Variants in CDKL5 observed in about 807,000 individuals in gnomAD.
The protein encoded by CDKL5 is cyclin-dependent kinase-like 5.
CDKL5 carries 8 observed loss-of-function variants against 61.7 expected under a neutral mutation model. The observed-to-expected ratio is 0.13, with a 90% CI of 0.08 to 0.23. The LOEUF (loss-of-function observed/expected upper bound fraction) is 0.23, where lower values mean the gene tolerates loss of function less well. Among genes scored for constraint, CDKL5 ranks in the 10% least tolerant of loss-of-function variants. The pLI, the probability that CDKL5 is intolerant of heterozygous loss-of-function variation, is 1.00. For missense variants in CDKL5, 440 were observed against 734.5 expected (o/e 0.60, Z 4.63); for synonymous variants, 275 against 272.3 (o/e 1.01, Z -0.10).
intron 15 of CDKL5, among the ~76,000 whole-genome samples, chrX:18,613,515 C>G (rs937692159): frequency 8.9e-6 from 1 of 112,042 alleles, no homozygotes; most frequent in Non-Finnish European, 1.9e-5. Context: ...ACCTGATACG[C>G]TTTCCACTGT....
rs747554139 is a variant in CDKL5, at chrX:18,613,214, C to T, written c.2215C>T (p.Leu739=). Residue 739 remains leucine (L), a synonymous_variant, in exon 15 of 18, where the codon CTA becomes TTA. Transcript: ENST00000623535. The part of the protein sequence containing the change: ...ENNVSTRVSS[L]PSESSSGTNH... ...TAATGTGTCAACTAGAGTTTCTTCT[C>T]TACCATCAGAGAGCAGTTCTGGAAC... is the stretch of plus-strand genomic sequence containing the variant. 7.5e-6 allele frequency: 9 copies of T among 1,195,657 alleles called. No homozygotes were observed. In the South Asian group the frequency reaches 1.4e-4, roughly 19 times the overall value.
intron 3 of CDKL5, among the ~76,000 whole-genome samples, chrX:18,544,066 C>G (rs1206621372): frequency 8.9e-6 from 1 of 112,081 alleles, no homozygotes; most frequent in Non-Finnish European, 1.9e-5. Flanking sequence ...GCTTAGTAAT[C>G]AGACAGGTGG....
intron 1 of CDKL5, among the ~76,000 whole-genome samples, chrX:18,434,718 A>G (rs1283269025): frequency 1.8e-5 from 2 of 111,563 alleles, no homozygotes; most frequent in Admixed American, 1.9e-4. Context: ...CCTTGAGGTC[A>G]GGAGTTCGAG....
chrX:18,630,963 A>G lies in CDKL5; in HGVS notation c.*2206A>G, dbSNP rs1927217008. On this transcript the variant is annotated 3_prime_UTR_variant, in exon 18 of 18. Transcript: ENST00000623535. Reference sequence around the variant, plus strand: ...TTTTCATACTAGATCTCTACCTTGTATTCCCCCCTTGCAAACCAGAAACTA... The same window carrying G: ...TTTTCATACTAGATCTCTACCTTGTGTTCCCCCCTTGCAAACCAGAAACTA... 1.3e-6 allele frequency: 1 copy of G among 747,701 alleles called. No homozygotes were observed. 61.6% of individuals were successfully genotyped at this position (747,701 alleles called of 1,213,427 possible).
Position 18,603,875 on chromosome X carries a change from G to A in CDKL5, c.978-27G>A, listed in dbSNP as rs759993432. ...TGTGTGTCAGCTATTGAGGGAAACTGATATACTTCTTTTGTTTTTAACATA... is the reference window on the plus strand; with the variant it reads ...TGTGTGTCAGCTATTGAGGGAAACTAATATACTTCTTTTGTTTTTAACATA... On this transcript the variant is annotated intron_variant, in intron 11 of 17. Transcript: ENST00000623535. 3 of 1,206,400 alleles carry A rather than the reference G, an allele frequency of 2.5e-6. No individual in the cohort carries two copies. The African/African-American group carries it at 5.2e-5, about 21-fold the overall frequency.
At chrX:18,500,012 G>A (rs772109313) in intron 1 of CDKL5, among the ~76,000 whole-genome samples, 22 of 111,367 alleles carry the variant, frequency 2.0e-4, no homozygotes, top group African/African-American at 6.2e-4. Flanking sequence ...TATCTAGATC[G>A]CCCAGATGAC....
chrX:18,440,338 A>G (rs1368059316), intron 1 of CDKL5, among the ~76,000 whole-genome samples: 1 of 111,165 alleles, frequency 9.0e-6, no homozygotes, highest in African/African-American at 3.3e-5. Flanking sequence ...ATAAGCAGCA[A>G]CTCCTTTGTC....
chrX:18,584,551 G>C (rs866541516), intron 8 of CDKL5, among the ~76,000 whole-genome samples, 198 bp downstream of exon 8: 4 of 111,893 alleles, frequency 3.6e-5, no homozygotes, highest in Admixed American at 1.9e-4. Flanking sequence ...GGGTGTGGGG[G>C]AATCACCAGT....
At chrX:18,496,810 T>G (rs928825274) in intron 1 of CDKL5, among the ~76,000 whole-genome samples, 1 of 110,526 alleles carries the variant, frequency 9.0e-6, no homozygotes, top group Non-Finnish European at 1.9e-5. Context: ...AGGTGTTGTT[T>G]ATAATTTGTT....
chrX:18,586,159 CATTGTG>C (rs1235906403), intron 8 of CDKL5, among the ~76,000 whole-genome samples: 2 of 111,445 alleles, frequency 1.8e-5, no homozygotes, highest in African/African-American at 3.3e-5. Flanking sequence ...TTATCTCTTC[CATTGTG>C]TAGGCAGAGT....
intron 5 of CDKL5, 99 bp from the exon 6 acceptor site, chrX:18,579,749 C>T (rs4825261): frequency 1.3e-4 from 100 of 783,246 alleles, no homozygotes; most frequent in Middle Eastern, 9.9e-4. Context: ...AAAAAAAGCT[C>T]TGTATTGGAT....
intron 17 of CDKL5, among the ~76,000 whole-genome samples, chrX:18,626,591 TCAAAA>T (rs1469767206): frequency 9.4e-6 from 1 of 105,832 alleles, no homozygotes; most frequent in African/African-American, 3.5e-5. Context: ...ATTCCCAATT[TCAAAA>T]CAAAACAAAA....
At chrX:18,441,958 T>C (rs898807118) in intron 1 of CDKL5, among the ~76,000 whole-genome samples, 4 of 111,293 alleles carry the variant, frequency 3.6e-5, no homozygotes, top group African/African-American at 1.3e-4. Context: ...GGCTGTTGTA[T>C]TGGGCTCAAT....
intron 16 of CDKL5, among the ~76,000 whole-genome samples, chrX:18,622,409 A>G (rs1602297112): frequency 8.9e-6 from 1 of 112,112 alleles, no homozygotes; most frequent in South Asian, 3.7e-4. Context: ...TGGGATTTCC[A>G]AAGAGCGCTC....
rs939022814 is a variant in CDKL5, at chrX:18,633,780, C to T, written c.*5023C>T. On this transcript the variant is annotated 3_prime_UTR_variant, in exon 18 of 18. Coordinates refer to ENST00000623535, the MANE Select transcript of CDKL5 (RefSeq NM_001323289.2). ...CCAGTTACTACATGAATCTTCATTT[C>T]CCACAGTGGTTTGTTCATTCATCAG... The T allele has an allele frequency of 2.7e-6, 2 of 751,537 alleles. No homozygotes were observed. The highest frequency in any genetic ancestry group is 4.7e-5 in the African/African-American group (2 of 42,908). The allele number at this position is 751,537 out of a possible 1,213,427, so 61.9% of individuals were successfully genotyped here.
chrX:18,522,206 G>A (rs1263535774), intron 3 of CDKL5, among the ~76,000 whole-genome samples: 1 of 110,075 alleles, frequency 9.1e-6, no homozygotes, highest in Non-Finnish European at 1.9e-5. Flanking sequence ...ACTTCTTTTA[G>A]CAATGTTTTG....
intron 1 of CDKL5, among the ~76,000 whole-genome samples, chrX:18,504,798 T>C (rs1425725089): frequency 2.7e-5 from 3 of 109,816 alleles, no homozygotes; most frequent in Admixed American, 1.9e-4. Context: ...CCGGGCATGG[T>C]GGCGCGTGCC....
chrX:18,564,807 G>C (rs754845391), intron 4 of CDKL5, among the ~76,000 whole-genome samples: 29 of 110,500 alleles, frequency 2.6e-4, no homozygotes, highest in Non-Finnish European at 5.5e-4. Flanking sequence ...TGCTCCAAAG[G>C]CTGGTTAGAA....
At chrX:18,446,244 G>A (rs1569184282) in intron 1 of CDKL5, among the ~76,000 whole-genome samples, 2 of 108,152 alleles carry the variant, frequency 1.8e-5, no homozygotes, top group Non-Finnish European at 3.8e-5. Flanking sequence ...TGTAATGGGA[G>A]GCTGAGGCAG....
Sources: allele counts gnomAD v4.1 joint callset (sites outside exome capture counted in the v4.1 genomes callset), GRCh38; gene constraint gnomAD v4.1.1; transcripts MANE v1.5; gene names NCBI Gene and HGNC (gene_info 2026-07-23, HGNC 2026-07-21).